POPDC2: variants seen among roughly 807,000 people sequenced by gnomAD.
The protein encoded by POPDC2 is popeye domain-containing protein 2.
POPDC2 carries 24 observed loss-of-function variants against 30.5 expected under a neutral mutation model. That is an observed-to-expected ratio of 0.79 (90% CI 0.57 to 1.11). The LOEUF (loss-of-function observed/expected upper bound fraction) is 1.11. POPDC2 is among the 50% of genes least tolerant of loss of function. The pLI is 0.00. For missense variants in POPDC2, 409 were observed against 447.0 expected (o/e 0.91, Z 0.77); for synonymous variants, 185 against 183.3 (o/e 1.01, Z -0.07).
intron 2 of POPDC2, among the ~76,000 whole-genome samples, chr3:119,651,760 C>T (rs961926162): frequency 1.3e-4 from 20 of 151,972 alleles, no homozygotes; most frequent in African/African-American, 4.8e-4. Context: ...CTCAGCCTCC[C>T]GAGTAGCTGG....
In POPDC2 at chr3:119,648,184, C is replaced by T. The variant is rs1162872197; in HGVS notation, c.1085G>A (p.Ser362Asn). 6.5e-7 allele frequency: 1 copy of T among 1,546,732 alleles called. No individual in the cohort carries two copies. The highest frequency in any genetic ancestry group is 1.4e-5 in the African/African-American group (1 of 73,260). ...CCTTCACCTCATGTACTCCCCATCA[C>T]TCCTATAATCCATAAACGATTCTGA... ...SGSESFMDYRSDGEYMR is the reference protein window; with the variant it reads ...SGSESFMDYRNDGEYMR The change falls in exon 3 of 4, where the codon AGT becomes AAT. Residue 362 changes from serine to asparagine, a missense_variant. Ser to Asn is a conservative substitution (Grantham distance 46). Transcript: ENST00000493094.
chr3:119,653,751 A>G (rs2052844764), intron 2 of POPDC2, among the ~76,000 whole-genome samples: 1 of 152,196 alleles, frequency 6.6e-6, no homozygotes, highest in Non-Finnish European at 1.5e-5. Context: ...TGCTGGGATT[A>G]CAGGCGTGAG....
rs1577164854 is a variant in POPDC2, at chr3:119,642,550, G to A, written c.*55C>T. ...ATAACTTGAGAGTAGCTCTGGAGAG[G>A]AATTCTAGAAGCTGTGGAAAGAAAA... On this transcript the variant is annotated 3_prime_UTR_variant, in exon 4 of 4. Transcript: ENST00000493094. 1 of 1,610,820 alleles carries A rather than the reference G, an allele frequency of 6.2e-7. No individual in the cohort carries two copies. The highest frequency in any genetic ancestry group is 8.5e-7 in the Non-Finnish European group (1 of 1,177,056).
chr3:119,643,217 C>T, intron 3 of POPDC2: 1 of 605,808 alleles, frequency 1.7e-6, no homozygotes, highest in Non-Finnish European at 2.9e-6. Flanking sequence ...AACCTTACAG[C>T]TGCTTCTGAG....
Position 119,642,293 on chromosome 3 carries a change from G to A in POPDC2, c.*312C>T. The stretch of plus-strand genomic sequence containing the variant: ...CCTGCTCCTGAAGGAAGGTTTGTGA[G>A]GGTGAATTTCTCAAAGTCACTTCAG... On this transcript the variant is annotated 3_prime_UTR_variant, in exon 4 of 4. Transcript: ENST00000493094. The A allele has an allele frequency of 2.1e-6, 1 of 476,422 alleles. No individual in the cohort carries two copies. 29.5% of individuals were successfully genotyped at this position (476,422 alleles called of 1,614,324 possible). A position where few individuals can be genotyped will look rare whatever the true frequency, so the allele number is the denominator to read the frequency against.
intron 1 of POPDC2, among the ~76,000 whole-genome samples, chr3:119,659,405 G>C (rs1340259653): frequency 6.6e-6 from 1 of 152,176 alleles, no homozygotes; most frequent in South Asian, 2.1e-4. Flanking sequence ...ACACAAGTGG[G>C]GCTGTTTGCT....
intron 2 of POPDC2, among the ~76,000 whole-genome samples, chr3:119,652,789 T>A (rs533732646): frequency 6.6e-6 from 1 of 152,312 alleles, no homozygotes; most frequent in South Asian, 2.1e-4. Context: ...CTGTGGCTGG[T>A]GACCCTGGCA....
intron 3 of POPDC2, among the ~76,000 whole-genome samples, chr3:119,647,398 GGAGGGAAATTCTGT>G (rs1367738522): frequency 6.6e-6 from 1 of 152,168 alleles, no homozygotes; most frequent in Non-Finnish European, 1.5e-5. Flanking sequence ...AGACTCTCTG[GGAGGGAAATTCTGT>G]GAGGGAAATC....
intron 2 of POPDC2, among the ~76,000 whole-genome samples, chr3:119,653,058 ATGTG>A (rs1491537403): frequency 4.2e-5 from 6 of 143,450 alleles, no homozygotes; most frequent in Non-Finnish European, 7.8e-5. Flanking sequence ...ATGCGTGTGC[ATGTG>A]TGTGTGTGTA....
At chr3:119,647,623 C>T (rs912213153) in intron 3 of POPDC2, among the ~76,000 whole-genome samples, 5 of 152,186 alleles carry the variant, frequency 3.3e-5, no homozygotes, top group Non-Finnish European at 7.3e-5. Context: ...CATTTTCCTC[C>T]CCGAGCTATT....
At position 119,654,375 on chromosome 3, in the gene POPDC2, G is replaced by T. The variant is rs556751000; in HGVS notation, c.600+130C>A. 1.4e-4 allele frequency: 90 copies of T among 663,754 alleles called. 1 individual carries two copies. In the South Asian group the frequency reaches 1.4e-3, roughly 10 times the overall value. The allele number at this position is 663,754 out of a possible 1,614,324, so 41.1% of individuals were successfully genotyped here. A position where few individuals can be genotyped will look rare whatever the true frequency, so the allele number is the denominator to read the frequency against. Reference sequence around the variant, plus strand: ...CAGGAACTCTTTTCAGAGGAAGAGTGCCCCCGCCTGTAGCTTCACACTGGC... The same window carrying T: ...CAGGAACTCTTTTCAGAGGAAGAGTTCCCCCGCCTGTAGCTTCACACTGGC... On this transcript the variant is annotated intron_variant, in intron 2 of 3. Coordinates refer to ENST00000493094, the MANE Select transcript of POPDC2 (RefSeq NM_001369919.2).
intron 3 of POPDC2, chr3:119,643,370 T>C: frequency 6.5e-7 from 1 of 1,534,912 alleles, no homozygotes; most frequent in South Asian, 1.2e-5. Flanking sequence ...GCTGTACCTT[T>C]TGTTGTCAGG....
intron 1 of POPDC2, among the ~76,000 whole-genome samples, chr3:119,659,006 G>A (rs181570533): frequency 1.3e-5 from 2 of 151,840 alleles, no homozygotes; most frequent in Non-Finnish European, 2.9e-5. Context: ...AAAGCTGGTG[G>A]AGTGGGGGTT....
rs80010334 is a variant in POPDC2, at chr3:119,643,915, C to A, written c.*44-1354G>T. ...GCCTATTCAATTCAATTTCTGCCCA[C>A]AAGAACTACACCAAATTAAGTCAAA... On this transcript the variant is annotated intron_variant, in intron 3 of 3. Coordinates refer to ENST00000493094, the MANE Select transcript of POPDC2 (RefSeq NM_001369919.2). Among the ~76,000 whole-genome samples, 540 of 152,294 alleles carry A rather than the reference C, an allele frequency of 3.5e-3. 8 individuals carry two copies. The East Asian group carries it at 0.049, about 14-fold the overall frequency.
At position 119,654,516 on chromosome 3, in the gene POPDC2, C is replaced by G. The variant is rs371574506; in HGVS notation, c.589G>C (p.Gly197Arg). The change falls in exon 2 of 4, where the codon GGG (glycine) becomes CGG (arginine). Residue 197 changes from glycine (G) to arginine (R), a missense_variant. Transcript: ENST00000493094. Reference sequence around the variant, plus strand: ...AGGCTCCCTGTTACCTGGAACACCCCCTCCTCAGAAGGCTGTAGTGATTCC... The same window carrying G: ...AGGCTCCCTGTTACCTGGAACACCCGCTCCTCAGAAGGCTGTAGTGATTCC... ...EWESLQPSEE[G>R]VFQVTLTAET... 4 of 1,611,780 alleles carry G rather than the reference C, an allele frequency of 2.5e-6. No homozygotes were observed. Among genetic ancestry groups the G allele is most frequent in the Admixed American group, 3.3e-5 (2 of 59,992 alleles).
At chr3:119,645,046 A>G (rs768753662) in intron 3 of POPDC2, among the ~76,000 whole-genome samples, 7 of 152,218 alleles carry the variant, frequency 4.6e-5, no homozygotes, top group Non-Finnish European at 8.8e-5. Flanking sequence ...CTGAAAAGTA[A>G]ACGACATAAG....
Position 119,659,982 on chromosome 3 carries a change from C to G in POPDC2, c.442G>C (p.Val148Leu). The change falls in exon 1 of 4, where the codon GTG (valine) becomes CTG (leucine). Residue 148 changes from valine to leucine, a missense_variant. Coordinates refer to ENST00000493094, the MANE Select transcript of POPDC2 (RefSeq NM_001369919.2). ...CGGTTGATGGGTGTCTCACCCTCCACAGCATAGGTCTGTTCAGTGGCCAGA... is the reference window on the plus strand; with the variant it reads ...CGGTTGATGGGTGTCTCACCCTCCAGAGCATAGGTCTGTTCAGTGGCCAGA... ...LTLATEQTYA[V>L]EGETPINRLS... is the part of the protein sequence containing the mutation. 1 of 1,608,908 alleles carries G rather than the reference C, an allele frequency of 6.2e-7. No homozygotes were observed. The highest frequency in any genetic ancestry group is 1.3e-5 in the African/African-American group (1 of 74,974).
At chr3:119,657,524 G>C (rs750519548) in intron 1 of POPDC2, among the ~76,000 whole-genome samples, 1 of 152,172 alleles carries the variant, frequency 6.6e-6, no homozygotes, top group Non-Finnish European at 1.5e-5. Context: ...ATGAATAAAT[G>C]AACAAAGGAA....
intron 2 of POPDC2, among the ~76,000 whole-genome samples, chr3:119,653,534 G>GT (rs535946533): frequency 3.0e-4 from 46 of 151,424 alleles, no homozygotes; most frequent in Non-Finnish European, 5.4e-4. Context: ...CTGGAGTGCA[G>GT]TGGCGCAATC....
Sources: gnomAD v4.1 joint callset for allele counts (sites outside exome capture counted in the v4.1 genomes callset) on GRCh38, gnomAD v4.1.1 for gene constraint, MANE v1.5 for transcripts, NCBI Gene and HGNC (gene_info 2026-07-23, HGNC 2026-07-21) for gene names.